The following TEKT1 variants were observed in gnomAD, a reference collection of about 807,000 sequenced individuals.
TEKT1 encodes tektin-1.
TEKT1 carries 32 observed loss-of-function variants against 34.8 expected under a neutral mutation model. The observed-to-expected ratio is 0.92, with a 90% CI of 0.69 to 1.23. The LOEUF (loss-of-function observed/expected upper bound fraction) is 1.23. TEKT1 is among the 50% of genes most tolerant of loss of function. The probability of loss-of-function intolerance (pLI) is 0.00; values close to 1 mark genes in which losing one functional copy is unlikely to be tolerated. For synonymous variants in TEKT1, 207 were observed against 199.8 expected, an observed-to-expected ratio of 1.04 and a Z score of -0.30; for missense variants, 492 against 518.5, an observed-to-expected ratio of 0.95 and a Z score of 0.50.
intron 3 of TEKT1, among the ~76,000 whole-genome samples, chr17:6,818,247 C>T (rs902089453): frequency 2.0e-5 from 3 of 151,990 alleles, no homozygotes; most frequent in East Asian, 1.9e-4. Context: ...TGGCGGTGAC[C>T]GGGAAAAATC....
chr17:6,815,413 A>G, intron 4 of TEKT1, 107 bp from the exon 5 acceptor site: 1 of 1,338,770 alleles, frequency 7.5e-7, no homozygotes, highest in South Asian at 1.2e-5. Flanking sequence ...CTGGTGCAGG[A>G]TGATGGTACT....
chr17:6,829,753 T>C (rs1388951438), intron 2 of TEKT1, among the ~76,000 whole-genome samples: 3 of 151,342 alleles, frequency 2.0e-5, no homozygotes, highest in African/African-American at 7.4e-5. Context: ...TCTTTAATTG[T>C]TGTAATCTTT....
At chr17:6,819,412 A>T (rs1977056611) in intron 2 of TEKT1, 54 bp from the exon 3 acceptor site, 3 of 1,528,470 alleles carry the variant, frequency 2.0e-6, no homozygotes, top group African/African-American at 1.4e-5. Flanking sequence ...GGTAGCCAAC[A>T]TTTGAATTAG....
chr17:6,825,953 T>TA (rs1318965527), intron 2 of TEKT1, among the ~76,000 whole-genome samples: 3 of 152,074 alleles, frequency 2.0e-5, no homozygotes, highest in African/African-American at 7.2e-5. Context: ...TCCCGTATGA[T>TA]AAAACTCTAA....
In TEKT1 at chr17:6,800,729, C is replaced by T. The variant is rs1976758507; in HGVS notation, c.1049+18G>A. On this transcript the variant is annotated intron_variant, in intron 7 of 7. Coordinates refer to ENST00000338694, the MANE Select transcript of TEKT1 (RefSeq NM_053285.2). ...GATTGAGACCCGAAGGCCCTCTGCC[C>T]ACTGGCTGCTAGCCTACCTTGCGAC... is the stretch of plus-strand genomic sequence containing the variant. 5 of 1,602,108 alleles carry T rather than the reference C, an allele frequency of 3.1e-6. No individual in the cohort carries two copies. The highest frequency in any genetic ancestry group is 1.3e-5 in the African/African-American group (1 of 74,848).
At chr17:6,804,707 T>TATTGATGC (rs1976822478) in intron 6 of TEKT1, among the ~76,000 whole-genome samples, 1 of 152,252 alleles carries the variant, frequency 6.6e-6, no homozygotes, top group African/African-American at 2.4e-5. Flanking sequence ...TTTCTGCATC[T>TATTGATGC]ATTGAGATAA....
chr17:6,818,734 A>C (rs191287155), intron 3 of TEKT1, among the ~76,000 whole-genome samples: 10 of 152,310 alleles, frequency 6.6e-5, no homozygotes, highest in Middle Eastern at 6.8e-3. Context: ...GAATGTAGAC[A>C]TAATGGCTGG....
chr17:6,803,135 T>A (rs145799932), intron 6 of TEKT1, among the ~76,000 whole-genome samples: 1 of 152,172 alleles, frequency 6.6e-6, no homozygotes, highest in African/African-American at 2.4e-5. Flanking sequence ...TTCCTGACTT[T>A]TTAATGATCG....
chr17:6,826,696 A>AT (rs1347403207), intron 2 of TEKT1, among the ~76,000 whole-genome samples: 34 of 144,688 alleles, frequency 2.3e-4, no homozygotes, highest in South Asian at 8.5e-4. Context: ...TGGGATTATT[A>AT]TTATTTTTTT....
chr17:6,817,324 G>A (rs533030891), intron 3 of TEKT1, among the ~76,000 whole-genome samples: 98 of 150,932 alleles, frequency 6.5e-4, no homozygotes, highest in African/African-American at 2.1e-3. Flanking sequence ...TCGGTGGGCC[G>A]AGATTGCACC....
chr17:6,815,075 A>G (rs1976984884), intron 5 of TEKT1, 88 bp downstream of exon 5: 1 of 1,506,640 alleles, frequency 6.6e-7, no homozygotes, highest in African/African-American at 1.4e-5. Context: ...CCAAGCTCTC[A>G]GCCAGCTGCA....
chr17:6,816,348 AT>A (rs1977008628), intron 3 of TEKT1, among the ~76,000 whole-genome samples: 1 of 152,018 alleles, frequency 6.6e-6, no homozygotes, highest in Non-Finnish European at 1.5e-5. Flanking sequence ...CATCATTTAT[AT>A]TATGTATTTC....
At chr17:6,808,599 A>AT (rs533518085) in intron 6 of TEKT1, among the ~76,000 whole-genome samples, 1 of 152,096 alleles carries the variant, frequency 6.6e-6, no homozygotes, top group South Asian at 2.1e-4. Context: ...CTATTTGACC[A>AT]TCTTGGCTCC....
At chr17:6,805,655 T>C (rs556030343) in intron 6 of TEKT1, among the ~76,000 whole-genome samples, 201 of 152,356 alleles carry the variant, frequency 1.3e-3, no homozygotes, top group African/African-American at 4.7e-3. Flanking sequence ...CCAGAGATTC[T>C]GGTATGTTGT....
chr17:6,818,291 G>A (rs1351832779), intron 3 of TEKT1, among the ~76,000 whole-genome samples: 2 of 152,298 alleles, frequency 1.3e-5, no homozygotes, highest in African/African-American at 4.8e-5. Context: ...CAGCCAGTGT[G>A]CAGGGTGCAC....
rs778401630 is a variant in TEKT1, at chr17:6,819,296, C to T, written c.253G>A (p.Val85Met). The T allele has an allele frequency of 4.3e-6, 7 of 1,613,988 alleles. No individual in the cohort carries two copies. The African/African-American group carries it at 6.7e-5, about 15-fold the overall frequency. The change falls in exon 3 of 8, where the codon GTG becomes ATG. Residue 85 changes from valine (V) to methionine (M), a missense_variant. Coordinates refer to ENST00000338694, the MANE Select transcript of TEKT1 (RefSeq NM_053285.2). ...ATGAGTAGATCATCAGTTACATTCA[C>T]AAGCTGCTCAAGTTTGTCATCTAAC... ...KELDDKLEQLVNVTDDLLIYK... is the reference protein window; with the variant it reads ...KELDDKLEQLMNVTDDLLIYK...
Position 6,799,875 on chromosome 17 carries a change from C to T in TEKT1, c.*152G>A, listed in dbSNP as rs1223628591. On this transcript the variant is annotated 3_prime_UTR_variant, in exon 8 of 8. Transcript: ENST00000338694. ...ACACCAGCATAAGAGAAGAAACTCG[C>T]CCCAAAATCAGCCCCCTGAGCAGGC... The T allele has an allele frequency of 1.7e-5, 11 of 644,728 alleles. No individual in the cohort carries two copies. The highest frequency in any genetic ancestry group is 2.5e-5 in the Non-Finnish European group (10 of 394,918). The allele number at this position is 644,728 out of a possible 1,614,324, so 39.9% of individuals were successfully genotyped here.
chr17:6,805,346 C>T (rs1976829131), intron 6 of TEKT1, among the ~76,000 whole-genome samples: 2 of 152,042 alleles, frequency 1.3e-5, no homozygotes, highest in Middle Eastern at 3.4e-3. Context: ...CTATTTGATT[C>T]TTCTCTCTTT....
chr17:6,809,479 G>A (rs186362476), intron 6 of TEKT1, among the ~76,000 whole-genome samples: 13 of 152,216 alleles, frequency 8.5e-5, no homozygotes, highest in Admixed American at 2.0e-4. Flanking sequence ...TGATCCACCC[G>A]CCTCAGCCTC....
Sources: allele counts gnomAD v4.1 joint callset (sites outside exome capture counted in the v4.1 genomes callset), GRCh38; gene constraint gnomAD v4.1.1; transcripts MANE v1.5; gene names NCBI Gene and HGNC (gene_info 2026-07-23, HGNC 2026-07-21).